CAMK1D: variants seen among roughly 807,000 people sequenced by gnomAD.
CAMK1D encodes calcium/calmodulin-dependent protein kinase type 1D.
A neutral mutation model predicts 47.7 loss-of-function variants in CAMK1D; 9 were observed. That is an observed-to-expected ratio of 0.19 (90% CI 0.11 to 0.33). The LOEUF is 0.33. Among genes scored for constraint, CAMK1D ranks in the 10% least tolerant of loss-of-function variants. The pLI is 1.00. For synonymous variants in CAMK1D, 184 were observed against 184.9 expected, an observed-to-expected ratio of 0.99 and a Z score of 0.04; for missense variants, 291 against 488.7, an observed-to-expected ratio of 0.60 and a Z score of 3.81.
chr10:12,704,062 G>A (rs2130730426), intron 3 of CAMK1D, among the ~76,000 whole-genome samples: 1 of 151,690 alleles, frequency 6.6e-6, no homozygotes, highest in East Asian at 1.9e-4. Flanking sequence ...TTTGAAACGT[G>A]TGTGTGTGTG....
intron 1 of CAMK1D, among the ~76,000 whole-genome samples, chr10:12,512,578 T>C (rs1835071371): frequency 6.6e-6 from 1 of 152,180 alleles, no homozygotes; most frequent in South Asian, 2.1e-4. Context: ...CATGTCTTTA[T>C]TTTCATAGAT....
At chr10:12,616,581 G>A (rs1238081505) in intron 2 of CAMK1D, among the ~76,000 whole-genome samples, 5 of 151,254 alleles carry the variant, frequency 3.3e-5, no homozygotes, top group African/African-American at 4.9e-5. Flanking sequence ...GCAGTGGTGT[G>A]ATCTCGGCTC....
intron 2 of CAMK1D, among the ~76,000 whole-genome samples, chr10:12,599,229 G>C (rs1838232914): frequency 6.6e-6 from 1 of 152,158 alleles, no homozygotes; most frequent in Non-Finnish European, 1.5e-5. Context: ...TATGGTGAAG[G>C]TTTTGGCTTA....
chr10:12,787,509 A>C (rs1837782327), intron 5 of CAMK1D, among the ~76,000 whole-genome samples: 1 of 152,172 alleles, frequency 6.6e-6, no homozygotes, highest in Non-Finnish European at 1.5e-5. Flanking sequence ...CTTCCTAGGC[A>C]GGAAGCCTGC....
rs369815074 is a variant in CAMK1D at position 12,791,141 on chromosome 10, T to A, written c.566-17T>A. The A allele has an allele frequency of 5.0e-6, 8 of 1,613,584 alleles. No individual in the cohort carries two copies. Among genetic ancestry groups the A allele is most frequent in the Non-Finnish European group, 5.1e-6 (6 of 1,179,572 alleles). ...ATGTAAATTGTCAGGCTGTGTCTTT[T>A]CTTTGTCTTTCTGCAGCTCCTGAAG... On this transcript the variant is annotated splice_polypyrimidine_tract_variant and intron_variant, in intron 5 of 10. Transcript: ENST00000619168.
At chr10:12,680,602 A>G (rs1840958986) in intron 3 of CAMK1D, among the ~76,000 whole-genome samples, 1 of 152,124 alleles carries the variant, frequency 6.6e-6, no homozygotes, top group Non-Finnish European at 1.5e-5. Flanking sequence ...TGAATAACGC[A>G]TGTTGGTGAT....
intron 1 of CAMK1D, among the ~76,000 whole-genome samples, chr10:12,454,987 T>G (rs1238690633): frequency 1.3e-5 from 2 of 152,176 alleles, no homozygotes; most frequent in Non-Finnish European, 2.9e-5. Flanking sequence ...GCTGGCCGAG[T>G]ACAGTCTGGG....
chr10:12,519,016 C>T (rs1438957308), intron 1 of CAMK1D, among the ~76,000 whole-genome samples: 2 of 116,092 alleles, frequency 1.7e-5, no homozygotes, highest in African/African-American at 3.2e-5. Context: ...ACCTCCCAGA[C>T]GGGGTGGTGG....
chr10:12,626,984 T>C (rs934261761), intron 2 of CAMK1D, among the ~76,000 whole-genome samples: 5 of 152,182 alleles, frequency 3.3e-5, no homozygotes, highest in Non-Finnish European at 5.9e-5. Context: ...TCATAAGATA[T>C]ATTGATTACA....
intron 1 of CAMK1D, among the ~76,000 whole-genome samples, chr10:12,545,995 C>G (rs1301865082): frequency 6.6e-6 from 1 of 152,082 alleles, no homozygotes; most frequent in Non-Finnish European, 1.5e-5. Context: ...AGTGTTTGTA[C>G]TGGGGACAGT....
chr10:12,804,494 A>T (rs571336026), intron 6 of CAMK1D, among the ~76,000 whole-genome samples: 1 of 152,168 alleles, frequency 6.6e-6, no homozygotes, highest in South Asian at 2.1e-4. Flanking sequence ...GGTACCTGTA[A>T]TCCCAGGTAC....
chr10:12,612,037 A>T (rs1466880175), intron 2 of CAMK1D, among the ~76,000 whole-genome samples: 3 of 152,184 alleles, frequency 2.0e-5, no homozygotes, highest in African/African-American at 7.2e-5. Flanking sequence ...GATAAACTAA[A>T]AAGCACTCCC....
intron 1 of CAMK1D, among the ~76,000 whole-genome samples, chr10:12,449,800 A>G (rs1406130432): frequency 6.6e-6 from 1 of 152,154 alleles, no homozygotes; most frequent in Non-Finnish European, 1.5e-5. Flanking sequence ...GGAATTTGAG[A>G]TTAGCCTGGC....
intron 1 of CAMK1D, among the ~76,000 whole-genome samples, chr10:12,422,294 G>A (rs563109175): frequency 2.0e-5 from 3 of 152,304 alleles, no homozygotes; most frequent in South Asian, 2.1e-4. Flanking sequence ...ACTATAGTCC[G>A]GATTTTAGTC....
At chr10:12,354,502 C>T (rs952416728) in intron 1 of CAMK1D, among the ~76,000 whole-genome samples, 7 of 151,156 alleles carry the variant, frequency 4.6e-5, no homozygotes, top group African/African-American at 9.7e-5. Context: ...CTCAGCTCAC[C>T]GCAACCTCCG....
At position 12,623,923 on chromosome 10, in the gene CAMK1D, A is replaced by G. The variant is rs547188189; in HGVS notation, c.225-42813A>G. Among the ~76,000 whole-genome samples, 203 of 152,192 alleles carry G rather than the reference A, an allele frequency of 1.3e-3. 2 individuals are homozygous for G. The highest frequency in any genetic ancestry group is 4.8e-3 in the African/African-American group (199 of 41,526). On this transcript the variant is annotated intron_variant, in intron 2 of 10. Coordinates refer to ENST00000619168, the MANE Select transcript of CAMK1D (RefSeq NM_153498.4). ...GTGAAACCCCGTCTCTACTAAAAAT[A>G]CAAAAATTAGCTAGGCATAGTGGCG... is the stretch of plus-strand genomic sequence containing the variant.
intron 2 of CAMK1D, among the ~76,000 whole-genome samples, chr10:12,598,928 G>A (rs1343727327): frequency 6.6e-6 from 1 of 152,204 alleles, no homozygotes; most frequent in Non-Finnish European, 1.5e-5. Context: ...TGCATTTGGG[G>A]TGGGAGGTGA....
At chr10:12,438,714 C>T (rs1832701141) in intron 1 of CAMK1D, among the ~76,000 whole-genome samples, 1 of 152,204 alleles carries the variant, frequency 6.6e-6, no homozygotes. Context: ...TTAGAATTCT[C>T]ACCATGACTT....
chr10:12,536,993 GC>G (rs1231541481), intron 1 of CAMK1D, among the ~76,000 whole-genome samples: 2 of 152,094 alleles, frequency 1.3e-5, no homozygotes, highest in African/African-American at 4.8e-5. Context: ...CTTTTCTGTA[GC>G]CATATGACAT....
Sources: gnomAD v4.1 joint callset for allele counts (sites outside exome capture counted in the v4.1 genomes callset) on GRCh38, gnomAD v4.1.1 for gene constraint, MANE v1.5 for transcripts, NCBI Gene and HGNC (gene_info 2026-07-23, HGNC 2026-07-21) for gene names.